The following SS18L1 variants were observed in gnomAD, a reference collection of about 807,000 sequenced individuals.
SS18L1 encodes the protein calcium-responsive transactivator.
A neutral mutation model predicts 70.3 loss-of-function variants in SS18L1; 32 were observed. That is an observed-to-expected ratio of 0.46 (90% CI 0.34 to 0.61). The LOEUF is 0.61. Ranked by LOEUF, SS18L1 falls within the 20% of genes least tolerant of loss-of-function variation. SS18L1 has a pLI of 0.01. For synonymous variants in SS18L1, 237 were observed against 229.7 expected (o/e 1.03, Z -0.29); for missense variants, 430 against 542.1 (o/e 0.79, Z 2.05).
Position 62,165,495 on chromosome 20 carries a change from G to A in SS18L1, c.897G>A (p.Thr299=), listed in dbSNP as rs577973215. The A allele has an allele frequency of 2.5e-5, 41 of 1,612,444 alleles. No homozygotes were observed. The East Asian group carries it at 5.8e-4, about 23-fold the overall frequency. Residue 299 remains threonine, a synonymous_variant, in exon 8 of 11, where the codon ACG becomes ACA. Transcript: ENST00000331758. ...ACGACCGGTCCTTCGAGGAGTCCACGCAGCACTACTATGAGGGGGGTAAGG... is the reference window on the plus strand; with the variant it reads ...ACGACCGGTCCTTCGAGGAGTCCACACAGCACTACTATGAGGGGGGTAAGG... The part of the protein sequence containing the change: ...QSYDRSFEES[T]QHYYEGGNSQ...
chr20:62,145,560 C>G (rs556581228), intron 1 of SS18L1, among the ~76,000 whole-genome samples: 1 of 152,226 alleles, frequency 6.6e-6, no homozygotes, highest in Non-Finnish European at 1.5e-5. Flanking sequence ...ATTATTTGCA[C>G]TTCGCACACA....
chr20:62,157,744 G>C (rs1408639394), intron 1 of SS18L1, among the ~76,000 whole-genome samples: 2 of 152,350 alleles, frequency 1.3e-5, no homozygotes, highest in Non-Finnish European at 2.9e-5. Context: ...TGTGTGGCCT[G>C]TGGGCCTATC....
chr20:62,169,617 A>G (rs2057494342), intron 8 of SS18L1, among the ~76,000 whole-genome samples: 1 of 152,252 alleles, frequency 6.6e-6, no homozygotes, highest in Admixed American at 6.5e-5. Flanking sequence ...CATCTCGACC[A>G]AAAATACAAA....
intron 8 of SS18L1, among the ~76,000 whole-genome samples, chr20:62,169,094 C>T (rs963675348): frequency 1.1e-4 from 17 of 152,308 alleles, no homozygotes; most frequent in African/African-American, 3.6e-4. Context: ...GTGCGAGTCC[C>T]GCGTTCGCGT....
At chr20:62,155,882 A>G (rs1347990918) in intron 1 of SS18L1, among the ~76,000 whole-genome samples, 1 of 151,968 alleles carries the variant, frequency 6.6e-6, no homozygotes, top group African/African-American at 2.4e-5. Context: ...TGTCCTTAGA[A>G]GGCCACACCT....
At chr20:62,150,855 T>C (rs2057117248) in intron 1 of SS18L1, among the ~76,000 whole-genome samples, 1 of 151,900 alleles carries the variant, frequency 6.6e-6, no homozygotes, top group Admixed American at 6.6e-5. Context: ...TTATCAGGTG[T>C]GTGCAGAGTC....
In SS18L1 at chr20:62,174,478, C is replaced by T. The variant is rs760272993; in HGVS notation, c.1037-39C>T. ...TTAAGAAAAAAAAAGAAAGAGGTGTCCGTTTTGGCCGGCCTCACGGTTCCT... is the reference window on the plus strand; with the variant it reads ...TTAAGAAAAAAAAAGAAAGAGGTGTTCGTTTTGGCCGGCCTCACGGTTCCT... On this transcript the variant is annotated intron_variant, in intron 9 of 10. Coordinates refer to ENST00000331758, the MANE Select transcript of SS18L1 (RefSeq NM_198935.3). The surrounding 1 kb of genome is among the most constrained non-coding windows in gnomAD (Gnocchi z 4.1). 19 of 1,559,506 alleles carry T rather than the reference C, an allele frequency of 1.2e-5. No individual in the cohort carries two copies. The highest frequency in any genetic ancestry group is 1.6e-5 in the Non-Finnish European group (19 of 1,153,728).
Position 62,165,687 on chromosome 20 carries a change from C to A in SS18L1, c.916+173C>A, listed in dbSNP as rs541161293. Among the ~76,000 whole-genome samples, 43 of 152,218 alleles carry A rather than the reference C, an allele frequency of 2.8e-4. 1 individual carries two copies. Among genetic ancestry groups the A allele is most frequent in the Non-Finnish European group, 1.0e-4 (7 of 68,046 alleles). The stretch of plus-strand genomic sequence containing the variant: ...TGGAAGCTGGAAATTCAGGCTGTGT[C>A]GGGAGCCCCGCTTGCCTTATGGGTG... On this transcript the variant is annotated intron_variant, in intron 8 of 10. Transcript: ENST00000331758.
intron 8 of SS18L1, among the ~76,000 whole-genome samples, chr20:62,170,524 C>T (rs1380447477): frequency 1.1e-4 from 17 of 152,094 alleles, no homozygotes; most frequent in Admixed American, 1.1e-3. Context: ...AAGAAAGAAC[C>T]CTGGAGTACT....
intron 1 of SS18L1, among the ~76,000 whole-genome samples, chr20:62,157,183 G>A (rs116810531): frequency 1.3e-5 from 2 of 152,102 alleles, no homozygotes; most frequent in East Asian, 1.9e-4. Flanking sequence ...GCAGGATGCC[G>A]CCTGGCCCCA....
In SS18L1 at chr20:62,165,429, C is replaced by T. The variant is rs746754946; in HGVS notation, c.831C>T (p.Gly277=). The change falls in exon 8 of 11, where the codon GGC becomes GGT. Residue 277 remains glycine, a synonymous_variant. Coordinates refer to ENST00000331758, the MANE Select transcript of SS18L1 (RefSeq NM_198935.3). ...MGQQYYPDGH[G]DYAYQQSSYT... The stretch of plus-strand genomic sequence containing the variant: ...CGTCTCCGTTTCGCACAGGCCATGG[C>T]GATTACGCCTACCAGCAGTCATCCT... 9.3e-6 allele frequency: 15 copies of T among 1,611,806 alleles called. No individual in the cohort carries two copies. The highest frequency in any genetic ancestry group is 3.3e-5 in the Admixed American group (2 of 59,878).
intron 1 of SS18L1, among the ~76,000 whole-genome samples, chr20:62,146,924 C>T (rs1600983173): frequency 1.3e-5 from 2 of 152,116 alleles, no homozygotes; most frequent in Non-Finnish European, 2.9e-5. Flanking sequence ...CCATGCCTGG[C>T]CTCAATTTCC....
chr20:62,169,731 A>G (rs550715087), intron 8 of SS18L1, among the ~76,000 whole-genome samples: 4 of 152,132 alleles, frequency 2.6e-5, no homozygotes, highest in African/African-American at 9.6e-5. Context: ...GTGAGCCAAG[A>G]TCACGCAACT....
intron 8 of SS18L1, among the ~76,000 whole-genome samples, chr20:62,167,834 GAGAC>G (rs2057462599): frequency 6.7e-6 from 1 of 150,044 alleles, no homozygotes; most frequent in Admixed American, 6.6e-5. Flanking sequence ...TTTTTTTAAA[GAGAC>G]AGGGTCTTGC....
chr20:62,144,244 A>G (rs1356038740), intron 1 of SS18L1, among the ~76,000 whole-genome samples: 1 of 151,404 alleles, frequency 6.6e-6, no homozygotes, highest in African/African-American at 2.4e-5. Context: ...GTCCTGGGCT[A>G]TGCCGGGCGC....
intron 1 of SS18L1, among the ~76,000 whole-genome samples, chr20:62,149,617 C>T (rs1233541009): frequency 6.6e-6 from 1 of 152,236 alleles, no homozygotes; most frequent in Non-Finnish European, 1.5e-5. Flanking sequence ...CTTCGCCTTT[C>T]TGTGCCCCAG....
intron 1 of SS18L1, among the ~76,000 whole-genome samples, chr20:62,146,604 C>CTTTTT (rs1339898731): frequency 5.3e-4 from 18 of 34,152 alleles, no homozygotes; most frequent in South Asian, 1.7e-3. Context: ...CTGCTTTGAT[C>CTTTTT]ATTTTTTTTT....
chr20:62,155,552 G>A (rs759781413), intron 1 of SS18L1, among the ~76,000 whole-genome samples: 7 of 152,196 alleles, frequency 4.6e-5, no homozygotes, highest in Non-Finnish European at 7.3e-5. Context: ...ATTGGAGGCC[G>A]GGGCACTGCC....
At chr20:62,153,166 T>G (rs1044270719) in intron 1 of SS18L1, among the ~76,000 whole-genome samples, 4 of 152,158 alleles carry the variant, frequency 2.6e-5, no homozygotes, top group African/African-American at 9.7e-5. Flanking sequence ...TGCCAGGTGC[T>G]TGTAAAACCA....
Sources: gnomAD v4.1 joint callset for allele counts (sites outside exome capture counted in the v4.1 genomes callset) on GRCh38, gnomAD v4.1.1 for gene constraint, Gnocchi (gnomAD v3.1) non-coding constraint, MANE v1.5 for transcripts, NCBI Gene and HGNC (gene_info 2026-07-23, HGNC 2026-07-21) for gene names.